EPHA6: variants seen among roughly 807,000 people sequenced by gnomAD.
EPHA6 encodes EPH receptor A6, also known as ephrin type-A receptor 6.
In EPHA6, 50 loss-of-function variants were observed where a neutral mutation model predicts 112.0. The observed-to-expected ratio is 0.45, with a 90% CI of 0.36 to 0.56. EPHA6 has a LOEUF of 0.56. Among genes scored for constraint, EPHA6 ranks in the 20% least tolerant of loss-of-function variants. The pLI is 0.00. For synonymous variants in EPHA6, 529 were observed against 490.7 expected (o/e 1.08, Z -1.03); for missense variants, 1,280 against 1,417.4 (o/e 0.90, Z 1.56).
intron 3 of EPHA6, among the ~76,000 whole-genome samples, chr3:97,187,741 GAAAGAGGAAA>G (rs2077193532): frequency 2.7e-5 from 4 of 146,626 alleles, no homozygotes; most frequent in African/African-American, 1.0e-4. Flanking sequence ...AAGAAAGAAA[GAAAGAGGAAA>G]GAAAGAAAGA....
intron 13 of EPHA6, among the ~76,000 whole-genome samples, chr3:97,633,906 A>G (rs892838688): frequency 6.6e-6 from 1 of 152,142 alleles, no homozygotes; most frequent in East Asian, 1.9e-4. Context: ...TGTTCCTCTC[A>G]GCCAGACAGA....
intron 5 of EPHA6, among the ~76,000 whole-genome samples, chr3:97,316,238 A>G (rs1286219142): frequency 6.6e-6 from 1 of 151,904 alleles, no homozygotes; most frequent in Non-Finnish European, 1.5e-5. Flanking sequence ...CAAGAATTAC[A>G]CAATAATTGG....
chr3:97,588,413 T>G (rs2093511886), intron 11 of EPHA6, among the ~76,000 whole-genome samples: 1 of 152,178 alleles, frequency 6.6e-6, no homozygotes, highest in South Asian at 2.1e-4. Context: ...GATCTTAATG[T>G]GTATTTGCAA....
intron 3 of EPHA6, among the ~76,000 whole-genome samples, chr3:96,991,662 A>G (rs1238807697): frequency 6.6e-6 from 1 of 152,142 alleles, no homozygotes; most frequent in Non-Finnish European, 1.5e-5. Context: ...TTCGTCATGC[A>G]CAAAATCCCA....
intron 5 of EPHA6, among the ~76,000 whole-genome samples, chr3:97,380,598 A>T (rs1352808428): frequency 2.6e-5 from 4 of 152,148 alleles, no homozygotes; most frequent in African/African-American, 9.7e-5. Context: ...TATACAATGG[A>T]TACCCATTTA....
intron 3 of EPHA6, among the ~76,000 whole-genome samples, chr3:97,079,491 A>T (rs2046647813): frequency 6.6e-6 from 1 of 151,818 alleles, no homozygotes; most frequent in African/African-American, 2.4e-5. Flanking sequence ...AAAAACAACT[A>T]ATCAGTACTA....
Position 97,720,419 on chromosome 3 carries a change from T to C in EPHA6, c.2934+9T>C. 6.3e-7 allele frequency: 1 copy of C among 1,586,718 alleles called. No individual in the cohort carries two copies. Among genetic ancestry groups the C allele is most frequent in the Admixed American group, 1.8e-5 (1 of 54,740 alleles). On this transcript the variant is annotated intron_variant, in intron 15 of 17. Coordinates refer to ENST00000389672, the MANE Select transcript of EPHA6 (RefSeq NM_001080448.3). Reference sequence around the variant, plus strand: ...AAATGTCTAACCAAGATGTAAGTGCTACCGATAGTTAAACTGCCATTTTGT... The same window carrying C: ...AAATGTCTAACCAAGATGTAAGTGCCACCGATAGTTAAACTGCCATTTTGT...
intron 3 of EPHA6, chr3:96,994,149 C>T: frequency 3.4e-6 from 1 of 291,364 alleles, no homozygotes; most frequent in Non-Finnish European, 7.1e-6. Flanking sequence ...GCTGTATGAA[C>T]CAGGCTTAAA....
chr3:97,021,902 A>G (rs554605720), intron 3 of EPHA6, among the ~76,000 whole-genome samples: 12 of 152,244 alleles, frequency 7.9e-5, no homozygotes, highest in African/African-American at 2.9e-4. Context: ...TTCATTACTC[A>G]GGTGTTATTT....
At chr3:97,195,488 CT>C (rs1270726822) in intron 3 of EPHA6, among the ~76,000 whole-genome samples, 3 of 151,804 alleles carry the variant, frequency 2.0e-5, no homozygotes, top group Non-Finnish European at 4.4e-5. Flanking sequence ...ATAGGTTTAT[CT>C]TTTAGTCTTT....
intron 11 of EPHA6, among the ~76,000 whole-genome samples, chr3:97,539,066 CCCTTCCTTCCTT>C (rs747004303): frequency 0.029 from 3,556 of 123,876 alleles, 177 homozygotes; most frequent in African/African-American, 0.1. Flanking sequence ...TCTCTTTCTT[CCCTTCCTTCCTT>C]CCTTCCTTCC....
At chr3:97,350,704 T>C (rs1259171177) in intron 5 of EPHA6, among the ~76,000 whole-genome samples, 1 of 152,086 alleles carries the variant, frequency 6.6e-6, no homozygotes, top group Non-Finnish European at 1.5e-5. Context: ...ACTTAACAAC[T>C]TCCAAGGCAT....
chr3:97,045,333 A>T (rs2045467064), intron 3 of EPHA6, among the ~76,000 whole-genome samples: 1 of 152,056 alleles, frequency 6.6e-6, no homozygotes, highest in South Asian at 2.1e-4. Flanking sequence ...TGCAAAGCTA[A>T]TTGCAATATG....
chr3:97,041,276 A>G (rs1234714570), intron 3 of EPHA6, among the ~76,000 whole-genome samples: 2 of 151,886 alleles, frequency 1.3e-5, no homozygotes, highest in Non-Finnish European at 2.9e-5. Context: ...CCACTTGACC[A>G]TTTATTTATC....
intron 12 of EPHA6, among the ~76,000 whole-genome samples, chr3:97,606,977 A>G (rs1309396484): frequency 6.6e-6 from 1 of 151,042 alleles, no homozygotes; most frequent in Non-Finnish European, 1.5e-5. Flanking sequence ...CAAAATATAA[A>G]CTTGATAGTA....
At chr3:97,245,126 C>A (rs2078951105) in intron 5 of EPHA6, among the ~76,000 whole-genome samples, 1 of 152,014 alleles carries the variant, frequency 6.6e-6, no homozygotes, top group African/African-American at 2.4e-5. Context: ...TTTTTATACA[C>A]CACATTTGTT....
At chr3:97,369,035 G>A (rs550090502) in intron 5 of EPHA6, among the ~76,000 whole-genome samples, 21 of 152,094 alleles carry the variant, frequency 1.4e-4, no homozygotes, top group African/African-American at 5.1e-4. Flanking sequence ...CATATGAACA[G>A]CATTCCAAAA....
chr3:97,332,713 G>A (rs1279414968), intron 5 of EPHA6, among the ~76,000 whole-genome samples: 1 of 151,954 alleles, frequency 6.6e-6, no homozygotes, highest in Non-Finnish European at 1.5e-5. Context: ...TTGGAGAAAG[G>A]GATATAGACT....
intron 3 of EPHA6, among the ~76,000 whole-genome samples, chr3:97,000,615 A>G (rs1046754390): frequency 7.9e-5 from 12 of 151,716 alleles, no homozygotes; most frequent in African/African-American, 2.7e-4. Flanking sequence ...TAGAGCATAT[A>G]TGTATCCAAG....
Sources: gnomAD v4.1 joint callset for allele counts (sites outside exome capture counted in the v4.1 genomes callset) on GRCh38, gnomAD v4.1.1 for gene constraint, MANE v1.5 for transcripts, NCBI Gene and HGNC (gene_info 2026-07-23, HGNC 2026-07-21) for gene names.